HGF: variants seen among roughly 807,000 people sequenced by gnomAD.
The protein encoded by HGF is fibroblast-derived tumor cytotoxic factor.
HGF carries 39 observed loss-of-function variants against 111.6 expected under a neutral mutation model. The observed-to-expected ratio is 0.35, with a 90% confidence interval of 0.27 to 0.46. The LOEUF is 0.46. Ranked by LOEUF, HGF falls within the 20% of genes least tolerant of loss-of-function variation. The pLI is 1.00. For missense variants in HGF, 735 were observed against 910.5 expected (o/e 0.81, Z 2.48); for synonymous variants, 285 against 294.8 (o/e 0.97, Z 0.34).
chr7:81,705,272 T>G, intron 17 of HGF, 118 bp downstream of exon 17: 1 of 961,584 alleles, frequency 1.0e-6, no homozygotes, highest in Non-Finnish European at 1.6e-6. Context: ...CCAATTCCTC[T>G]TTCCTAGAAT....
chr7:81,726,802 G>A (rs1031597351), intron 8 of HGF, among the ~76,000 whole-genome samples: 13 of 151,650 alleles, frequency 8.6e-5, no homozygotes, highest in African/African-American at 2.9e-4. Context: ...ACTTTTAATG[G>A]TTTTCTATCA....
intron 9 of HGF, among the ~76,000 whole-genome samples, chr7:81,721,217 A>G (rs562984971): frequency 6.6e-6 from 1 of 152,308 alleles, no homozygotes; most frequent in South Asian, 2.1e-4. Context: ...ACTGCACTCC[A>G]GCCTGGGCGA....
chr7:81,742,611 G>A, intron 7 of HGF: 2 of 794,698 alleles, frequency 2.5e-6, no homozygotes, highest in African/African-American at 1.8e-5. Context: ...ATGTAATATT[G>A]TTTAAGAGAA....
At chr7:81,743,756 C>T (rs1788105243) in intron 6 of HGF, among the ~76,000 whole-genome samples, 1 of 152,154 alleles carries the variant, frequency 6.6e-6, no homozygotes, top group African/African-American at 2.4e-5. Flanking sequence ...TTAGAACCCA[C>T]TTAAGGGCAG....
At chr7:81,718,437 TG>T (rs5745714) in intron 10 of HGF, among the ~76,000 whole-genome samples, 1,644 of 152,294 alleles carry the variant, frequency 0.011, 33 homozygotes, top group African/African-American at 0.036. Context: ...ACACTAGAGC[TG>T]GGGTTTGAAC....
chr7:81,707,576 T>C (rs1322411629), intron 13 of HGF, among the ~76,000 whole-genome samples: 1 of 152,200 alleles, frequency 6.6e-6, no homozygotes, highest in Non-Finnish European at 1.5e-5. Flanking sequence ...AATGTGACTA[T>C]AAATTTATGA....
chr7:81,722,817 A>AG (rs1789901500), intron 9 of HGF, among the ~76,000 whole-genome samples: 2 of 148,026 alleles, frequency 1.4e-5, no homozygotes, highest in Admixed American at 1.3e-4. Flanking sequence ...CTGTCTCAAA[A>AG]AAAAAAAAAA....
chr7:81,744,887 T>C, intron 6 of HGF, 113 bp downstream of exon 6: 1 of 1,188,372 alleles, frequency 8.4e-7, no homozygotes, highest in Non-Finnish European at 1.2e-6. Context: ...AAATGTTATG[T>C]TCATGTCCTA....
At chr7:81,724,934 G>A (rs961635358) in intron 9 of HGF, among the ~76,000 whole-genome samples, 1 of 152,056 alleles carries the variant, frequency 6.6e-6, no homozygotes. Flanking sequence ...ATCTTCAATG[G>A]CATCTATGTT....
intron 1 of HGF, among the ~76,000 whole-genome samples, chr7:81,767,990 A>G (rs1199963400): frequency 6.6e-6 from 1 of 152,168 alleles, no homozygotes; most frequent in African/African-American, 2.4e-5. Flanking sequence ...ACAATTTTAG[A>G]ATTATCCACT....
rs577589184 is a variant in HGF at position 81,701,648 on chromosome 7, A to G, written c.*933T>C. ...ATGCTTTAGGAAAATAGATCTACAAATATCTTGTGTAAATAAGTGGCCTTA... is the reference window on the plus strand; with the variant it reads ...ATGCTTTAGGAAAATAGATCTACAAGTATCTTGTGTAAATAAGTGGCCTTA... On this transcript the variant is annotated 3_prime_UTR_variant, in exon 18 of 18. Coordinates refer to ENST00000222390, the MANE Select transcript of HGF (RefSeq NM_000601.6). 5 of 151,762 alleles carry G rather than the reference A, an allele frequency of 3.3e-5. No homozygotes were observed. Among genetic ancestry groups the G allele is most frequent in the African/African-American group, 9.6e-5 (4 of 41,536 alleles). 9.4% of individuals were successfully genotyped at this position (151,762 alleles called of 1,614,324 possible).
At chr7:81,765,583 TTAATTAAGTCATTTA>T (rs1410324957) in intron 1 of HGF, among the ~76,000 whole-genome samples, 1 of 152,128 alleles carries the variant, frequency 6.6e-6, no homozygotes, top group Non-Finnish European at 1.5e-5. Flanking sequence ...ACTTTCCCTT[TTAATTAAGTCATTTA>T]TACTAAGCCA....
chr7:81,705,295 A>G (rs2115757498), intron 17 of HGF, 95 bp downstream of exon 17: 2 of 1,226,980 alleles, frequency 1.6e-6, no homozygotes, highest in Non-Finnish European at 2.4e-6. Flanking sequence ...GTTGGTATAC[A>G]ATATTTTTGA....
chr7:81,727,014 C>T (rs1471859753), intron 8 of HGF, among the ~76,000 whole-genome samples: 3 of 149,910 alleles, frequency 2.0e-5, no homozygotes, highest in African/African-American at 7.4e-5. Context: ...ATCTTAATAT[C>T]CAAATGGACC....
intron 11 of HGF, 30 bp from the exon 12 acceptor site, chr7:81,711,549 C>A (rs1160188054): frequency 1.0e-6 from 1 of 980,246 alleles, no homozygotes; most frequent in South Asian, 1.4e-5. Flanking sequence ...GATAAATACA[C>A]AATTCATATA....
At chr7:81,704,031 T>G (rs1383645462) in intron 17 of HGF, among the ~76,000 whole-genome samples, 1 of 151,778 alleles carries the variant, frequency 6.6e-6, no homozygotes, top group African/African-American at 2.4e-5. Flanking sequence ...ATACAAACAT[T>G]TGGGAGATAT....
intron 5 of HGF, among the ~76,000 whole-genome samples, chr7:81,750,094 T>C (rs901837322): frequency 6.6e-6 from 1 of 152,168 alleles, no homozygotes; most frequent in South Asian, 2.1e-4. Flanking sequence ...TTCCCCCTTA[T>C]ATGTATTTTA....
intron 5 of HGF, among the ~76,000 whole-genome samples, chr7:81,749,384 C>T (rs1788400278): frequency 6.6e-6 from 1 of 152,064 alleles, no homozygotes; most frequent in African/African-American, 2.4e-5. Flanking sequence ...ATTTTGCATA[C>T]CTCAACTTTC....
rs188628091 is a variant in HGF, at chr7:81,761,581, G to A, written c.254+1126C>T. Among the ~76,000 whole-genome samples, 640 of 151,916 alleles carry A rather than the reference G, an allele frequency of 4.2e-3. 4 individuals carry two copies. The highest frequency in any genetic ancestry group is 6.7e-3 in the Non-Finnish European group (453 of 67,966). ...AAAAAAAAAAAAAAGATAAAATAGGGAGTGAAAGAGTGGGAAATAAGTGAG... is the reference window on the plus strand; with the variant it reads ...AAAAAAAAAAAAAAGATAAAATAGGAAGTGAAAGAGTGGGAAATAAGTGAG... On this transcript the variant is annotated intron_variant, in intron 2 of 17. Coordinates refer to ENST00000222390, the MANE Select transcript of HGF (RefSeq NM_000601.6).
Sources: gnomAD v4.1 joint callset for allele counts (sites outside exome capture counted in the v4.1 genomes callset) on GRCh38, gnomAD v4.1.1 for gene constraint, MANE v1.5 for transcripts, NCBI Gene and HGNC (gene_info 2026-07-23, HGNC 2026-07-21) for gene names.